RGS12: variants seen among roughly 807,000 people sequenced by gnomAD.
RGS12 encodes the protein regulator of G protein signaling 12.
A neutral mutation model predicts 120.1 loss-of-function variants in RGS12; 66 were observed. That is an observed-to-expected ratio of 0.55 (90% CI 0.45 to 0.67). The LOEUF is 0.67. Among genes scored for constraint, RGS12 ranks in the 30% least tolerant of loss-of-function variants. RGS12 has a pLI of 0.00. For synonymous variants in RGS12, 827 were observed against 804.7 expected (o/e 1.03, Z -0.47); for missense variants, 1,859 against 1,957.7 (o/e 0.95, Z 0.95).
Position 3,430,567 on chromosome 4 carries a change from C to T in RGS12, c.3726C>T (p.Ser1242=). 6.2e-7 allele frequency: 1 copy of T among 1,613,014 alleles called. No homozygotes were observed. The highest frequency in any genetic ancestry group is 1.1e-5 in the South Asian group (1 of 91,080). The change falls in exon 17 of 18, where the codon AGC becomes AGT. Residue 1242 remains serine (S), a synonymous_variant. Transcript: ENST00000336727. The stretch of plus-strand genomic sequence containing the variant: ...CAGCTGCTGTGGCCAAGGGCTTTAG[C>T]AAGAGAAGCGCCACAGGCAACGGCC... ...PTPAAVAKGF[S]KRSATGNGRE... is the part of the protein sequence containing the mutation.
chr4:3,376,247 A>AACAGAC (rs1553811968), intron 3 of RGS12, among the ~76,000 whole-genome samples: 2 of 143,582 alleles, frequency 1.4e-5, no homozygotes, highest in East Asian at 4.1e-4. Flanking sequence ...AGCTCCTTGG[A>AACAGAC]ACACACACAC....
In RGS12 at chr4:3,365,398, TGAGGGAGGGAG is replaced by T. The variant is rs1438622513; in HGVS notation, c.1999-21005_1999-20995del. 1.3e-5 allele frequency among the ~76,000 whole-genome samples: 2 copies of T among 150,592 alleles called. No homozygotes were observed. The highest frequency in any genetic ancestry group is 2.4e-5 in the African/African-American group (1 of 40,912). Reference sequence around the variant, plus strand: ...GAGAGGAGGGAGGGAGGACAGGTCTTGAGGGAGGGAGGAGGGAGGGAGGTGGCAGGAGCTTT... The same window carrying T: ...GAGAGGAGGGAGGGAGGACAGGTCTTGAGGGAGGGAGGTGGCAGGAGCTTT... On this transcript the variant is annotated intron_variant, in intron 3 of 17. Transcript: ENST00000336727. This position sits in a 1 kb window ranked among gnomAD's most constrained non-coding sequence, Gnocchi z 4.0.
In RGS12 at chr4:3,430,930, G is replaced by A. The variant is rs774308029; in HGVS notation, c.4089G>A (p.Gln1363=). The stretch of plus-strand genomic sequence containing the variant: ...TGCTGCCGCCGCCCTCCACCCCCCA[G>A]GAAGTGCCAGGACCTTCCAGACCAG... The part of the protein sequence containing the change: ...STLLPPPSTP[Q]EVPGPSRPGS... The change falls in exon 17 of 18, where the codon CAG becomes CAA. Residue 1363 remains glutamine (Q), a synonymous_variant. Transcript: ENST00000336727. The A allele has an allele frequency of 6.2e-7, 1 of 1,612,748 alleles. No individual in the cohort carries two copies. Among genetic ancestry groups the A allele is most frequent in the South Asian group, 1.1e-5 (1 of 91,076 alleles).
intron 2 of RGS12, among the ~76,000 whole-genome samples, chr4:3,323,391 C>T (rs1478150476): frequency 1.3e-5 from 2 of 152,218 alleles, no homozygotes; most frequent in Non-Finnish European, 2.9e-5. Context: ...CTGCCCCGCT[C>T]CGCGCGGGGA....
intron 3 of RGS12, among the ~76,000 whole-genome samples, chr4:3,379,421 A>G (rs1718043801): frequency 6.6e-6 from 1 of 152,256 alleles, no homozygotes; most frequent in Non-Finnish European, 1.5e-5. Context: ...GTGGAGGTAC[A>G]TGTTAATTCA....
At chr4:3,438,372 G>C (rs910746462) in intron 17 of RGS12, among the ~76,000 whole-genome samples, 2 of 151,974 alleles carry the variant, frequency 1.3e-5, no homozygotes, top group African/African-American at 2.4e-5. Context: ...GCACAGATGG[G>C]GGGGTGGGGT....
chr4:3,316,920 C>T lies in RGS12; in HGVS notation c.750C>T (p.Asp250=). 1.2e-6 allele frequency: 2 copies of T among 1,613,984 alleles called. No homozygotes were observed. The highest frequency in any genetic ancestry group is 2.2e-5 in the South Asian group (2 of 91,090). ...CCACGAGCTCCAACCTGGAGTCCGA[C>T]AGCTTGCAAGCCATCCGCGGCTGCA... ...LPSTSSNLES[D]SLQAIRGCMR... is the part of the protein sequence containing the mutation. The change falls in exon 2 of 18, where the codon GAC becomes GAT. Residue 250 remains aspartate, a synonymous_variant. Coordinates refer to ENST00000336727, the MANE Select transcript of RGS12 (RefSeq NM_001394154.1).
chr4:3,298,120 G>A (rs1351053205), intron 1 of RGS12, among the ~76,000 whole-genome samples: 1 of 152,138 alleles, frequency 6.6e-6, no homozygotes, highest in Non-Finnish European at 1.5e-5. Flanking sequence ...CATAGAAGCG[G>A]CTCTTTTCCC....
At position 3,430,666 on chromosome 4, in the gene RGS12, G is replaced by GGGCTCAGCCTCCAGCCCC. The variant is rs1560179374; in HGVS notation, c.3826_3843dup (p.Gly1276_Pro1281dup). ...GCAGCGACAGCCCGTCCACCAGCCC[G>GGGCTCAGCCTCCAGCCCC]GGCTCAGCCTCCAGCCCCCCTGGAC... On this transcript the variant is annotated inframe_insertion, in exon 17 of 18. Coordinates refer to ENST00000336727, the MANE Select transcript of RGS12 (RefSeq NM_001394154.1). 1 of 1,589,262 alleles carries GGGCTCAGCCTCCAGCCCC rather than the reference G, an allele frequency of 6.3e-7. No individual in the cohort carries two copies. The highest frequency in any genetic ancestry group is 1.7e-5 in the Admixed American group (1 of 57,214).
chr4:3,424,775 G>GC (rs1251741254), intron 13 of RGS12, among the ~76,000 whole-genome samples: 1 of 152,182 alleles, frequency 6.6e-6, no homozygotes. Flanking sequence ...GAATTCTGTG[G>GC]CCCCCTGTGT....
chr4:3,392,102 T>C (rs1719563944), intron 4 of RGS12, among the ~76,000 whole-genome samples: 1 of 152,120 alleles, frequency 6.6e-6, no homozygotes, highest in African/African-American at 2.4e-5. Context: ...CAAAATGATT[T>C]AAGGAAAAGG....
intron 2 of RGS12, chr4:3,324,885 G>A (rs559194158): frequency 2.0e-5 from 3 of 152,286 alleles, no homozygotes; most frequent in Non-Finnish European, 2.9e-5. Flanking sequence ...CTTAAATTGA[G>A]CAATTTTGTA....
chr4:3,415,835 T>G, intron 6 of RGS12, 143 bp from the exon 7 acceptor site: 1 of 815,658 alleles, frequency 1.2e-6, no homozygotes, highest in Non-Finnish European at 1.9e-6. Flanking sequence ...TGGCCACACT[T>G]TTATTTATTT....
At chr4:3,376,215 C>G (rs1717668570) in intron 3 of RGS12, among the ~76,000 whole-genome samples, 1 of 151,072 alleles carries the variant, frequency 6.6e-6, no homozygotes, top group Non-Finnish European at 1.5e-5. Flanking sequence ...TCAGTTCCTT[C>G]TGATTTTATT....
rs79272852 is a variant in RGS12 at position 3,317,534 on chromosome 4, G to A, written c.1364G>A (p.Ser455Asn). Residue 455 changes from serine (S) to asparagine (N), a missense_variant, in exon 2 of 18, where the codon AGC becomes AAC. Ser to Asn is a conservative substitution (Grantham distance 46, BLOSUM62 1). Coordinates refer to ENST00000336727, the MANE Select transcript of RGS12 (RefSeq NM_001394154.1). ...TCGAGCAGACACGGCCCCGGAGGCA[G>A]CGCGTGGGACGGTGTGGGTGGGAGG... ...GSSSRHGPGG[S>N]AWDGVGGRGA... The A allele has an allele frequency of 3.8e-3, 6,065 of 1,611,204 alleles. 153 individuals are homozygous for A. The African/African-American group carries it at 0.057, about 15-fold the overall frequency.
At chr4:3,437,776 G>A (rs2109272370) in intron 17 of RGS12, among the ~76,000 whole-genome samples, 2 of 152,348 alleles carry the variant, frequency 1.3e-5, no homozygotes, top group East Asian at 3.9e-4. Flanking sequence ...CATGCTGGCT[G>A]GGCTGCTGCG....
Position 3,414,808 on chromosome 4 carries a change from A to T in RGS12, c.2247A>T (p.Glu749Asp). Reference protein sequence around the residue: ...EENILFWQACEYFNHVPAHDK... With the variant: ...EENILFWQACDYFNHVPAHDK... The stretch of plus-strand genomic sequence containing the variant: ...ACATTTTATTCTGGCAGGCCTGTGA[A>T]TATTTTAATCATGTTCCTGCACATG... Residue 749 changes from glutamate to aspartate, a missense_variant, in exon 6 of 18, where the codon GAA becomes GAT. Physicochemically the swap from Glu to Asp is conservative, Grantham distance 45. Around this residue, in one of 3 missense-constraint regions of RGS12, gnomAD observed 375 missense variants for 475.0 expected, o/e 0.79. Transcript: ENST00000336727. The T allele has an allele frequency of 6.2e-7, 1 of 1,613,828 alleles. No individual in the cohort carries two copies.
At chr4:3,423,107 G>T in intron 12 of RGS12, 129 bp downstream of exon 12, 1 of 665,236 alleles carries the variant, frequency 1.5e-6, no homozygotes, top group Non-Finnish European at 2.6e-6. Context: ...GGGGTGTCGG[G>T]GCGGGGGGAG....
intron 1 of RGS12, among the ~76,000 whole-genome samples, chr4:3,307,689 T>G (rs1435472500): frequency 6.6e-6 from 1 of 152,182 alleles, no homozygotes; most frequent in East Asian, 1.9e-4. Context: ...TGGCCCCTGC[T>G]CGTGCCTAGA....
Sources: allele counts gnomAD v4.1 joint callset (sites outside exome capture counted in the v4.1 genomes callset), GRCh38; gene constraint gnomAD v4.1.1; regional missense constraint gnomAD v4.1.1; non-coding constraint Gnocchi (gnomAD v3.1); transcripts MANE v1.5; gene names NCBI Gene and HGNC (gene_info 2026-07-23, HGNC 2026-07-21).